PDGFD: variants seen among roughly 807,000 people sequenced by gnomAD.
PDGFD encodes platelet-derived growth factor D.
A neutral mutation model predicts 44.7 loss-of-function variants in PDGFD; 30 were observed. The observed-to-expected ratio is 0.67, with a 90% CI of 0.50 to 0.91. PDGFD has a LOEUF of 0.91. Among genes scored for constraint, PDGFD ranks in the 40% least tolerant of loss-of-function variants. The probability of loss-of-function intolerance (pLI) is 0.00; values close to 1 mark genes in which losing one functional copy is unlikely to be tolerated. For synonymous variants in PDGFD, 173 were observed against 168.4 expected (o/e 1.03, Z -0.21); for missense variants, 445 against 457.8 (o/e 0.97, Z 0.25).
At chr11:104,161,773 G>C (rs1484122983) in intron 1 of PDGFD, among the ~76,000 whole-genome samples, 1 of 152,018 alleles carries the variant, frequency 6.6e-6, no homozygotes, top group Admixed American at 6.5e-5. Context: ...TGCTCATTTA[G>C]GAAAAAGCTG....
intron 1 of PDGFD, among the ~76,000 whole-genome samples, chr11:104,080,601 G>A (rs889735014): frequency 5.3e-5 from 8 of 152,222 alleles, no homozygotes; most frequent in East Asian, 1.9e-4. Context: ...ATACTCTGGC[G>A]TATGTTGGAG....
rs546004410 is a variant in PDGFD at position 104,050,245 on chromosome 11, A to G, written c.125-49990T>C. 2.8e-4 allele frequency among the ~76,000 whole-genome samples: 43 copies of G among 152,256 alleles called. No homozygotes were observed. The South Asian group carries it at 8.3e-3, about 29-fold the overall frequency. On this transcript the variant is annotated intron_variant, in intron 1 of 6. Coordinates refer to ENST00000393158, the MANE Select transcript of PDGFD (RefSeq NM_025208.5). ...GAAGGAAGACAGCGCACGTGGGTGT[A>G]AATGCAGGTACACTGCAAGACTGAC...
At chr11:103,956,906 G>GTTCT (rs1270254458) in intron 3 of PDGFD, among the ~76,000 whole-genome samples, 2 of 151,946 alleles carry the variant, frequency 1.3e-5, no homozygotes, top group East Asian at 1.9e-4. Context: ...TTTTGATGGG[G>GTTCT]TTGTTTTTTT....
At chr11:103,929,531 G>C (rs942792823) in intron 5 of PDGFD, among the ~76,000 whole-genome samples, 1 of 152,148 alleles carries the variant, frequency 6.6e-6, no homozygotes, top group Non-Finnish European at 1.5e-5. Flanking sequence ...TCTTTGACTA[G>C]CATTGGTTAC....
intron 3 of PDGFD, among the ~76,000 whole-genome samples, chr11:103,969,173 C>A (rs1330373806): frequency 6.6e-6 from 1 of 152,120 alleles, no homozygotes; most frequent in Non-Finnish European, 1.5e-5. Flanking sequence ...ATATTGGGCT[C>A]TTGATAAAGA....
At chr11:103,980,101 T>C (rs1859246119) in intron 3 of PDGFD, among the ~76,000 whole-genome samples, 1 of 152,136 alleles carries the variant, frequency 6.6e-6, no homozygotes, top group Non-Finnish European at 1.5e-5. Context: ...TTTGTATTAG[T>C]TATTCATATT....
At chr11:104,162,640 C>A (rs985448076) in intron 1 of PDGFD, among the ~76,000 whole-genome samples, 2 of 152,102 alleles carry the variant, frequency 1.3e-5, no homozygotes, top group Non-Finnish European at 2.9e-5. Context: ...GTCTACTCAT[C>A]ATCAGATAAC....
At chr11:104,005,317 G>A (rs1308624533) in intron 1 of PDGFD, among the ~76,000 whole-genome samples, 1 of 152,200 alleles carries the variant, frequency 6.6e-6, no homozygotes, top group African/African-American at 2.4e-5. Flanking sequence ...TCTAACCACT[G>A]TACTATAGAA....
At chr11:104,111,248 A>G (rs1479308342) in intron 1 of PDGFD, among the ~76,000 whole-genome samples, 4 of 144,100 alleles carry the variant, frequency 2.8e-5, no homozygotes, top group African/African-American at 1.0e-4. Flanking sequence ...TGATCTGTGT[A>G]TTAATTATTA....
chr11:104,147,263 G>A (rs562563094), intron 1 of PDGFD, among the ~76,000 whole-genome samples: 3 of 152,000 alleles, frequency 2.0e-5, no homozygotes, highest in Non-Finnish European at 4.4e-5. Context: ...AACTTAGGTC[G>A]AGTTCTCCAC....
intron 3 of PDGFD, among the ~76,000 whole-genome samples, chr11:103,969,178 T>C (rs143761296): frequency 7.7e-4 from 117 of 152,334 alleles, no homozygotes; most frequent in African/African-American, 2.7e-3. Context: ...GGGCTCTTGA[T>C]AAAGAATGAA....
At chr11:103,996,724 A>G (rs1859538367) in intron 2 of PDGFD, among the ~76,000 whole-genome samples, 1 of 152,252 alleles carries the variant, frequency 6.6e-6, no homozygotes, top group South Asian at 2.1e-4. Flanking sequence ...CAGTAATGCC[A>G]TTACAGAAAA....
At chr11:103,965,622 C>T (rs1020014625) in intron 3 of PDGFD, among the ~76,000 whole-genome samples, 1 of 152,154 alleles carries the variant, frequency 6.6e-6, no homozygotes, top group African/African-American at 2.4e-5. Context: ...GAGCACAGTA[C>T]TCAAGGCAAG....
intron 1 of PDGFD, among the ~76,000 whole-genome samples, chr11:104,001,628 A>ACTGGGCT (rs1859621190): frequency 1.3e-5 from 2 of 152,196 alleles, no homozygotes; most frequent in African/African-American, 4.8e-5. Flanking sequence ...ATTGCATCAT[A>ACTGGGCT]CAGTGGATCC....
intron 6 of PDGFD, among the ~76,000 whole-genome samples, chr11:103,918,202 A>C (rs897499899): frequency 6.6e-6 from 1 of 152,190 alleles, no homozygotes; most frequent in Non-Finnish European, 1.5e-5. Context: ...TCCAAAGGCC[A>C]GTTTTGATAG....
At chr11:104,110,511 A>T (rs1332565180) in intron 1 of PDGFD, among the ~76,000 whole-genome samples, 1 of 151,466 alleles carries the variant, frequency 6.6e-6, no homozygotes, top group Non-Finnish European at 1.5e-5. Context: ...TCCTCAAAAA[A>T]AAAAACAACA....
intron 1 of PDGFD, among the ~76,000 whole-genome samples, chr11:104,098,041 C>T (rs561482380): frequency 2.6e-5 from 4 of 152,218 alleles, no homozygotes; most frequent in South Asian, 2.1e-4. Context: ...GGATTTCCTC[C>T]GTGAAATGCC....
chr11:103,966,579 T>C (rs920984323), intron 3 of PDGFD, among the ~76,000 whole-genome samples: 1 of 152,198 alleles, frequency 6.6e-6, no homozygotes, highest in Admixed American at 6.5e-5. Flanking sequence ...AGTTTACTGA[T>C]GGGATCGAAA....
intron 1 of PDGFD, among the ~76,000 whole-genome samples, chr11:104,047,241 T>C (rs1206436689): frequency 6.8e-6 from 1 of 147,688 alleles, no homozygotes; most frequent in African/African-American, 2.5e-5. Flanking sequence ...TTTATAATTC[T>C]TTGGGTATAT....
Sources: gnomAD v4.1 joint callset for allele counts (sites outside exome capture counted in the v4.1 genomes callset) on GRCh38, gnomAD v4.1.1 for gene constraint, MANE v1.5 for transcripts, NCBI Gene and HGNC (gene_info 2026-07-23, HGNC 2026-07-21) for gene names.